Variants in FAT3 observed in about 807,000 individuals in gnomAD.
FAT3 encodes the protein FAT atypical cadherin 3.
Under a neutral mutation model 310.2 loss-of-function variants are expected in FAT3, and 95 were observed. That is an observed-to-expected ratio of 0.31 (90% CI 0.26 to 0.36). The LOEUF is 0.36. Ranked by LOEUF, FAT3 falls within the 10% of genes least tolerant of loss-of-function variation. The probability of loss-of-function intolerance (pLI) is 1.00; values close to 1 mark genes in which losing one functional copy is unlikely to be tolerated. For synonymous variants in FAT3, 2,314 were observed against 2,192.9 expected, an observed-to-expected ratio of 1.06 and a Z score of -1.54; for missense variants, 5,408 against 5,715.6, an observed-to-expected ratio of 0.95 and a Z score of 1.74.
chr11:92,709,475 C>T (rs933488738), intron 4 of FAT3, among the ~76,000 whole-genome samples: 1 of 152,198 alleles, frequency 6.6e-6, no homozygotes, highest in African/African-American at 2.4e-5. Flanking sequence ...ATGAGCTCCA[C>T]TGAGATTTCT....
intron 4 of FAT3, among the ~76,000 whole-genome samples, chr11:92,740,205 A>T (rs1212441600): frequency 6.6e-6 from 1 of 152,222 alleles, no homozygotes. Context: ...ACAACTGAGT[A>T]CTTATTGGAA....
intron 3 of FAT3, among the ~76,000 whole-genome samples, chr11:92,561,001 A>G (rs1392219621): frequency 6.6e-6 from 1 of 151,960 alleles, no homozygotes; most frequent in Non-Finnish European, 1.5e-5. Context: ...ATACCTGTCA[A>G]TGTGGTACTC....
intron 2 of FAT3, among the ~76,000 whole-genome samples, chr11:92,411,137 T>A (rs1950256581): frequency 1.0e-5 from 1 of 96,568 alleles, no homozygotes; most frequent in African/African-American, 3.2e-5. Context: ...TATTATATAT[T>A]ATATATATAA....
chr11:92,687,771 T>C (rs901628956), intron 3 of FAT3, among the ~76,000 whole-genome samples: 2 of 152,060 alleles, frequency 1.3e-5, no homozygotes, highest in African/African-American at 4.8e-5. Flanking sequence ...GGCTAGGCAG[T>C]GTGTAACGCT....
At chr11:92,291,123 G>A (rs2608781) in intron 1 of FAT3, among the ~76,000 whole-genome samples, 99,081 of 144,256 alleles carry the variant, frequency 0.69, 32,736 homozygotes, top group Admixed American at 0.7. Flanking sequence ...ACACATGCAC[G>A]CGCGCAGAAG....
chr11:92,271,446 C>T (rs751075941), intron 1 of FAT3, among the ~76,000 whole-genome samples: 1 of 152,134 alleles, frequency 6.6e-6, no homozygotes, highest in Non-Finnish European at 1.5e-5. Context: ...TCCTCTGCCA[C>T]TCCCCCTTAG....
chr11:92,437,458 A>G (rs1273596076), intron 2 of FAT3, among the ~76,000 whole-genome samples: 2 of 152,188 alleles, frequency 1.3e-5, no homozygotes, highest in African/African-American at 4.8e-5. Flanking sequence ...CCTCATCTGT[A>G]TTAAAGGGGG....
At position 92,791,600 on chromosome 11, in the gene FAT3, T is replaced by C. The variant is rs533300311; in HGVS notation, c.4612-1167T>C. ...TTTACAGCAAACAAGTGCTTTACACTGCCTTTTTCCTAGCTAAGCCTTTTA... is the reference window on the plus strand; with the variant it reads ...TTTACAGCAAACAAGTGCTTTACACCGCCTTTTTCCTAGCTAAGCCTTTTA... On this transcript the variant is annotated intron_variant, in intron 8 of 27. Transcript: ENST00000525166. Among the ~76,000 whole-genome samples the C allele has an allele frequency of 3.3e-5, 5 of 152,350 alleles. No homozygotes were observed. In the East Asian group the frequency reaches 9.6e-4, roughly 29 times the overall value.
chr11:92,583,143 G>T (rs1490313281), intron 3 of FAT3, among the ~76,000 whole-genome samples: 3 of 150,558 alleles, frequency 2.0e-5, no homozygotes, highest in Admixed American at 2.0e-4. Context: ...AGGCTCCCTT[G>T]TCTAAAAGAA....
Position 92,354,559 on chromosome 11 carries a change from T to C in FAT3, c.2447T>C (p.Leu816Pro), listed in dbSNP as rs191787815. Reference sequence around the variant, plus strand: ...AATCCACAGAAATCGTCATGGAGACTGCTGACCATCAATGTGGAGGATGCT... The same window carrying C: ...AATCCACAGAAATCGTCATGGAGACCGCTGACCATCAATGTGGAGGATGCT... ...LGNPQKSSWRLLTINVEDAND... is the reference protein window; with the variant it reads ...LGNPQKSSWRPLTINVEDAND... Residue 816 changes from leucine to proline, a missense_variant, in exon 2 of 28, where the codon CTG becomes CCG. By Grantham distance (98) the Leu-to-Pro change is moderately conservative (BLOSUM62 -3). Transcript: ENST00000525166. 187 of 1,613,886 alleles carry C rather than the reference T, an allele frequency of 1.2e-4. No individual in the cohort carries two copies. In the African/African-American group the frequency reaches 2.0e-3, roughly 17 times the overall value.
chr11:92,440,633 A>G (rs530132420), intron 2 of FAT3, among the ~76,000 whole-genome samples: 2 of 152,330 alleles, frequency 1.3e-5, no homozygotes, highest in Middle Eastern at 3.4e-3. Context: ...GGAGATGTCA[A>G]TCAAAGAAAC....
At chr11:92,592,690 A>G (rs1939501201) in intron 3 of FAT3, among the ~76,000 whole-genome samples, 2 of 152,114 alleles carry the variant, frequency 1.3e-5, no homozygotes, top group South Asian at 2.1e-4. Context: ...AAAAACATTT[A>G]TTACATTTAT....
At chr11:92,833,235 C>G (rs533244791) in intron 14 of FAT3, among the ~76,000 whole-genome samples, 86 of 152,276 alleles carry the variant, frequency 5.6e-4, no homozygotes, top group Non-Finnish European at 5.4e-4. Context: ...CCCAATTCCC[C>G]TATGAATAGT....
chr11:92,691,735 G>A (rs932278020), intron 3 of FAT3, among the ~76,000 whole-genome samples: 2 of 152,116 alleles, frequency 1.3e-5, no homozygotes, highest in Non-Finnish European at 2.9e-5. Flanking sequence ...TTAACCTCGG[G>A]CAAGTTTATT....
chr11:92,598,649 A>G (rs1035650555), intron 3 of FAT3, among the ~76,000 whole-genome samples: 1 of 152,200 alleles, frequency 6.6e-6, no homozygotes, highest in Admixed American at 6.5e-5. Flanking sequence ...ATTCAGCTAG[A>G]AAGTGGCAGG....
At chr11:92,587,564 A>G (rs1939217924) in intron 3 of FAT3, among the ~76,000 whole-genome samples, 2 of 152,032 alleles carry the variant, frequency 1.3e-5, no homozygotes, top group Non-Finnish European at 2.9e-5. Flanking sequence ...GAAAAAGGCT[A>G]TAATGTAGCA....
intron 1 of FAT3, among the ~76,000 whole-genome samples, chr11:92,236,002 T>C (rs1049481717): frequency 1.3e-5 from 2 of 152,246 alleles, no homozygotes; most frequent in East Asian, 3.8e-4. Flanking sequence ...ATCTCAGTGC[T>C]GAGTTCTTTG....
chr11:92,880,675 A>C, intron 22 of FAT3, 56 bp from the exon 23 acceptor site: 1 of 1,553,718 alleles, frequency 6.4e-7, no homozygotes, highest in Non-Finnish European at 8.7e-7. Context: ...AGCTGAGTCC[A>C]AGCACTCAGC....
intron 9 of FAT3, among the ~76,000 whole-genome samples, chr11:92,793,685 T>C (rs1345165277): frequency 6.6e-6 from 1 of 152,206 alleles, no homozygotes; most frequent in Non-Finnish European, 1.5e-5. Flanking sequence ...CAAATATCCT[T>C]TATCTGCTCT....
Sources: gnomAD v4.1 joint callset for allele counts (sites outside exome capture counted in the v4.1 genomes callset) on GRCh38, gnomAD v4.1.1 for gene constraint, MANE v1.5 for transcripts, NCBI Gene and HGNC (gene_info 2026-07-23, HGNC 2026-07-21) for gene names.